RBFOX1: variants seen among roughly 807,000 people sequenced by gnomAD.
RBFOX1 encodes RNA binding fox-1 homolog 1.
A neutral mutation model predicts 57.7 loss-of-function variants in RBFOX1; 8 were observed. The observed-to-expected ratio is 0.14, with a 90% confidence interval of 0.08 to 0.25. The LOEUF (loss-of-function observed/expected upper bound fraction) is 0.25. Ranked by LOEUF, RBFOX1 falls within the 10% of genes least tolerant of loss-of-function variation. RBFOX1 has a pLI of 1.00. For synonymous variants in RBFOX1, 326 were observed against 222.4 expected (o/e 1.47, Z -4.15); for missense variants, 611 against 548.5 (o/e 1.11, Z -1.14).
At chr16:5,624,096 G>T (rs2048277694) in intron 3 of RBFOX1, among the ~76,000 whole-genome samples, 1 of 152,312 alleles carries the variant, frequency 6.6e-6, no homozygotes, top group African/African-American at 2.4e-5. Flanking sequence ...TAAAGAGTTT[G>T]GGGATTTGGA....
intron 14 of RBFOX1, among the ~76,000 whole-genome samples, chr16:7,677,299 C>A (rs554176023): frequency 3.3e-5 from 5 of 152,260 alleles, no homozygotes; most frequent in African/African-American, 1.2e-4. Context: ...CCCAATAAAT[C>A]ATTCCCTCCA....
chr16:7,502,576 T>A (rs986279086), intron 4 of RBFOX1, among the ~76,000 whole-genome samples: 2 of 152,120 alleles, frequency 1.3e-5, no homozygotes, highest in African/African-American at 4.8e-5. Context: ...AGGCATAAAC[T>A]TTTTTGTTTG....
chr16:5,828,422 C>T (rs1457743270), intron 3 of RBFOX1, among the ~76,000 whole-genome samples: 1 of 152,132 alleles, frequency 6.6e-6, no homozygotes, highest in African/African-American at 2.4e-5. Flanking sequence ...GAAAAAAATG[C>T]AACCACCGGG....
chr16:7,592,767 C>T (rs571369655), intron 7 of RBFOX1, among the ~76,000 whole-genome samples: 4 of 152,240 alleles, frequency 2.6e-5, no homozygotes, highest in Non-Finnish European at 5.9e-5. Context: ...GAGTCAAAAT[C>T]TATAGCCAAA....
intron 4 of RBFOX1, among the ~76,000 whole-genome samples, chr16:7,455,199 C>G (rs1038125706): frequency 1.3e-5 from 2 of 152,202 alleles, no homozygotes; most frequent in Non-Finnish European, 2.9e-5. Context: ...ATCCTTTAGC[C>G]TACCAAATGC....
intron 14 of RBFOX1, among the ~76,000 whole-genome samples, chr16:7,706,012 C>G (rs988118614): frequency 6.6e-6 from 1 of 152,164 alleles, no homozygotes; most frequent in Non-Finnish European, 1.5e-5. Flanking sequence ...CTCTTCCCAT[C>G]ATTCCTGTGG....
At chr16:6,407,073 T>G (rs1311454042) in intron 2 of RBFOX1, among the ~76,000 whole-genome samples, 2 of 152,188 alleles carry the variant, frequency 1.3e-5, no homozygotes, top group Non-Finnish European at 2.9e-5. Flanking sequence ...GTGTTACGGT[T>G]GAATATCAAT....
At chr16:6,442,322 C>G (rs1204144471) in intron 2 of RBFOX1, among the ~76,000 whole-genome samples, 3 of 152,110 alleles carry the variant, frequency 2.0e-5, no homozygotes, top group African/African-American at 7.2e-5. Context: ...CTTTGGGAGG[C>G]CAAGGTGGGT....
At chr16:6,811,749 C>T (rs1458435698) in intron 3 of RBFOX1, among the ~76,000 whole-genome samples, 10 of 152,020 alleles carry the variant, frequency 6.6e-5, no homozygotes, top group East Asian at 5.8e-4. Flanking sequence ...ATTAGCTGGG[C>T]GTGGTAGTGC....
chr16:6,614,293 C>A (rs1229922055), intron 2 of RBFOX1, among the ~76,000 whole-genome samples: 1 of 151,978 alleles, frequency 6.6e-6, no homozygotes, highest in Non-Finnish European at 1.5e-5. Flanking sequence ...CCTTCTGAGT[C>A]TTACACTGGA....
At position 5,242,180 on chromosome 16, in the gene RBFOX1, A is replaced by G. The variant is rs112431055; in HGVS notation, c.219+2075A>G. 3.0e-3 allele frequency among the ~76,000 whole-genome samples: 450 copies of G among 152,266 alleles called. 1 individual carries two copies. The highest frequency in any genetic ancestry group is 9.9e-3 in the African/African-American group (412 of 41,556). On this transcript the variant is annotated intron_variant, in intron 1 of 2. Coordinates refer to the RBFOX1 transcript ENST00000585867. Reference sequence around the variant, plus strand: ...GTCTTAAGCCAGAATCTCCATTAAAATGCTTTCTGGAGGCTAAAAGGATGA... The same window carrying G: ...GTCTTAAGCCAGAATCTCCATTAAAGTGCTTTCTGGAGGCTAAAAGGATGA...
At chr16:6,945,241 G>A (rs555566924) in intron 3 of RBFOX1, among the ~76,000 whole-genome samples, 10 of 152,094 alleles carry the variant, frequency 6.6e-5, no homozygotes, top group Non-Finnish European at 1.0e-4. Flanking sequence ...TAATCTTCAC[G>A]TGTCCTTGGG....
At chr16:5,786,593 A>C (rs915211153) in intron 3 of RBFOX1, among the ~76,000 whole-genome samples, 2 of 152,034 alleles carry the variant, frequency 1.3e-5, no homozygotes, top group Admixed American at 1.3e-4. Flanking sequence ...TCATTTTTCC[A>C]AGACCTCTGC....
chr16:6,075,945 A>G (rs561424690), intron 1 of RBFOX1, among the ~76,000 whole-genome samples: 1 of 152,304 alleles, frequency 6.6e-6, no homozygotes, highest in South Asian at 2.1e-4. Context: ...TTTGATTATT[A>G]GTCCCATTTT....
chr16:7,163,094 A>G (rs1439810394), intron 4 of RBFOX1, among the ~76,000 whole-genome samples: 3 of 152,198 alleles, frequency 2.0e-5, no homozygotes, highest in East Asian at 1.9e-4. Flanking sequence ...TAGGGCACCC[A>G]TAAATAATTC....
intron 4 of RBFOX1, among the ~76,000 whole-genome samples, chr16:5,899,544 G>C (rs1480729774): frequency 2.0e-5 from 3 of 152,182 alleles, no homozygotes; most frequent in African/African-American, 7.2e-5. Context: ...AATTCCACGG[G>C]TTTCACAGAG....
chr16:7,441,765 T>C (rs572486852), intron 4 of RBFOX1, among the ~76,000 whole-genome samples: 2 of 152,306 alleles, frequency 1.3e-5, no homozygotes, highest in South Asian at 4.1e-4. Context: ...CACACCTCAG[T>C]GTGGAGATGA....
At chr16:6,783,301 G>A (rs578155537) in intron 3 of RBFOX1, among the ~76,000 whole-genome samples, 1 of 148,406 alleles carries the variant, frequency 6.7e-6, no homozygotes, top group Non-Finnish European at 1.5e-5. Flanking sequence ...TTGTCATTTT[G>A]TTAGTTCTCT....
chr16:5,507,883 G>A (rs566871129), intron 2 of RBFOX1, among the ~76,000 whole-genome samples: 1 of 152,252 alleles, frequency 6.6e-6, no homozygotes, highest in South Asian at 2.1e-4. Flanking sequence ...GTGTGGCCCT[G>A]CTGACACCTC....
Sources: gnomAD v4.1 joint callset for allele counts (sites outside exome capture counted in the v4.1 genomes callset) on GRCh38, gnomAD v4.1.1 for gene constraint, MANE v1.5 for transcripts, NCBI Gene and HGNC (gene_info 2026-07-23, HGNC 2026-07-21) for gene names.